FBN1: variants seen among roughly 807,000 people sequenced by gnomAD.
The protein encoded by FBN1 is fibrillin 1, also known as fibrillin-1.
In FBN1, 29 loss-of-function variants were observed where a neutral mutation model predicts 365.1. The ratio of observed to expected loss-of-function variants is 0.08; its 90% CI spans 0.06 to 0.11. The LOEUF is 0.11. Ranked by LOEUF, FBN1 falls within the 10% of genes least tolerant of loss-of-function variation. The pLI, the probability that FBN1 is intolerant of heterozygous loss-of-function variation, is 1.00. For synonymous variants in FBN1, 1,210 were observed against 1,270.5 expected (o/e 0.95, Z 1.01); for missense variants, 2,476 against 3,703.2 (o/e 0.67, Z 8.60).
At chr15:48,439,230 A>C (rs960368464) in intron 50 of FBN1, among the ~76,000 whole-genome samples, 1 of 152,236 alleles carries the variant, frequency 6.6e-6, no homozygotes, top group South Asian at 2.1e-4. Context: ...TAGCCTCCCC[A>C]GTAAACCTGC....
chr15:48,495,098 G>A (rs767211873), intron 22 of FBN1, 25 bp downstream of exon 22: 2 of 1,613,738 alleles, frequency 1.2e-6, no homozygotes, highest in Non-Finnish European at 1.7e-6. Flanking sequence ...AGTGGTATAG[G>A]AACCACAGCA....
chr15:48,553,292 T>A (rs956036796), intron 6 of FBN1, among the ~76,000 whole-genome samples: 1 of 152,134 alleles, frequency 6.6e-6, no homozygotes, highest in African/African-American at 2.4e-5. Context: ...TTGCTTACCA[T>A]AACAATCATA....
At chr15:48,487,017 AC>A in intron 29 of FBN1, 57 bp downstream of exon 29, 2 of 1,237,988 alleles carry the variant, frequency 1.6e-6, no homozygotes, top group Non-Finnish European at 2.1e-6. Context: ...ACATAACATA[AC>A]ATAACATAAA....
At chr15:48,602,598 T>C (rs1026596171) in intron 4 of FBN1, among the ~76,000 whole-genome samples, 1 of 152,204 alleles carries the variant, frequency 6.6e-6, no homozygotes, top group African/African-American at 2.4e-5. Context: ...CTATTAAAAA[T>C]ATTTTTATCT....
At chr15:48,632,397 A>G (rs1890004541) in intron 2 of FBN1, among the ~76,000 whole-genome samples, 1 of 152,174 alleles carries the variant, frequency 6.6e-6, no homozygotes, top group Non-Finnish European at 1.5e-5. Context: ...ATCATAGCTA[A>G]ACATGTCAGG....
intron 6 of FBN1, among the ~76,000 whole-genome samples, chr15:48,587,444 A>G (rs2044446341): frequency 2.0e-5 from 3 of 152,236 alleles, no homozygotes; most frequent in Admixed American, 1.3e-4. Context: ...GGCATCGTGG[A>G]GAAGCTTGCA....
At chr15:48,563,054 GTGAA>G (rs906533029) in intron 6 of FBN1, among the ~76,000 whole-genome samples, 2 of 152,176 alleles carry the variant, frequency 1.3e-5, no homozygotes, top group African/African-American at 4.8e-5. Context: ...ATGAGAGACA[GTGAA>G]TGAATGAACA....
intron 44 of FBN1, among the ~76,000 whole-genome samples, chr15:48,453,255 T>A (rs1597538365): frequency 1.2e-5 from 1 of 81,688 alleles, no homozygotes; most frequent in Non-Finnish European, 2.4e-5. Context: ...AAACTCCAAG[T>A]CCAAAACAAA....
intron 16 of FBN1, 63 bp downstream of exon 16, chr15:48,504,962 T>C: frequency 6.2e-7 from 1 of 1,608,556 alleles, no homozygotes; most frequent in Non-Finnish European, 8.5e-7. Flanking sequence ...TTGTTACCAT[T>C]GGGCTTTATT....
chr15:48,452,668 C>A lies in FBN1; in HGVS notation c.5439G>T (p.Gln1813His). Reference protein sequence around the residue: ...LLVCEDIDECQNGPVCQRNAE... With the variant: ...LLVCEDIDECHNGPVCQRNAE... ...CGTTGCGCTGGCACACTGGGCCGTT[C>A]TGACACTCGTCAATATCTACGAGCA... The change falls in exon 45 of 66, where the codon CAG becomes CAT. Residue 1813 changes from glutamine (Q) to histidine (H), a missense_variant. Coordinates refer to ENST00000316623, the MANE Select transcript of FBN1 (RefSeq NM_000138.5). 1 of 1,614,148 alleles carries A rather than the reference C, an allele frequency of 6.2e-7. No individual in the cohort carries two copies. Among genetic ancestry groups the A allele is most frequent in the African/African-American group, 1.3e-5 (1 of 75,054 alleles).
rs187673801 is a variant in FBN1 at position 48,416,437 on chromosome 15, C to T, written c.7820-670G>A. 5.3e-5 allele frequency among the ~76,000 whole-genome samples: 8 copies of T among 152,266 alleles called. No individual in the cohort carries two copies. In the East Asian group the frequency reaches 5.8e-4, roughly 11 times the overall value. ...CTTCTGGTATGTCTGCTCCCATCAC[C>T]GAATCGGCCCCCTCCTTATTCAAAC... On this transcript the variant is annotated intron_variant, in intron 63 of 65. Coordinates refer to ENST00000316623, the MANE Select transcript of FBN1 (RefSeq NM_000138.5).
At chr15:48,445,185 T>C (rs1345336188) in intron 48 of FBN1, among the ~76,000 whole-genome samples, 191 bp downstream of exon 48, 1 of 139,004 alleles carries the variant, frequency 7.2e-6, no homozygotes, top group African/African-American at 2.6e-5. Flanking sequence ...TATATATATG[T>C]ATATATATAT....
intron 5 of FBN1, among the ~76,000 whole-genome samples, chr15:48,599,550 A>C (rs1461925924): frequency 6.6e-6 from 1 of 151,994 alleles, no homozygotes; most frequent in East Asian, 1.9e-4. Context: ...AAAAAAAAAA[A>C]CAAGGTTTTT....
At chr15:48,516,882 C>T (rs941265831) in intron 10 of FBN1, among the ~76,000 whole-genome samples, 4 of 151,948 alleles carry the variant, frequency 2.6e-5, no homozygotes, top group East Asian at 1.9e-4. Flanking sequence ...TGATGATGTC[C>T]GGATGGGGGA....
At chr15:48,451,636 G>A (rs1296306013) in intron 45 of FBN1, among the ~76,000 whole-genome samples, 2 of 152,088 alleles carry the variant, frequency 1.3e-5, no homozygotes, top group East Asian at 3.9e-4. Context: ...ATTCACAAAT[G>A]CATAAAATAT....
At chr15:48,496,041 T>C (rs898217412) in intron 20 of FBN1, 59 bp downstream of exon 20, 1 of 1,604,766 alleles carries the variant, frequency 6.2e-7, no homozygotes, top group Non-Finnish European at 8.5e-7. Flanking sequence ...CTTATGGTTT[T>C]CTAATGGCAT....
At chr15:48,610,899 T>C in intron 3 of FBN1, 73 bp from the exon 4 acceptor site, 1 of 1,283,584 alleles carries the variant, frequency 7.8e-7, no homozygotes, top group East Asian at 2.4e-5. Context: ...AATCCTCAAA[T>C]GAGGAAACCT....
chr15:48,415,395 T>C (rs910310301), intron 64 of FBN1, 141 bp downstream of exon 64: 1 of 711,954 alleles, frequency 1.4e-6, no homozygotes, highest in Non-Finnish European at 2.5e-6. Context: ...CTAAAACTTT[T>C]GCCAAGCTAA....
chr15:48,515,932 C>A (rs2043796837), intron 11 of FBN1, among the ~76,000 whole-genome samples: 1 of 152,192 alleles, frequency 6.6e-6, no homozygotes, highest in South Asian at 2.1e-4. Context: ...ATAACTCTCC[C>A]ATAGTTGCCT....
Sources: gnomAD v4.1 joint callset for allele counts (sites outside exome capture counted in the v4.1 genomes callset) on GRCh38, gnomAD v4.1.1 for gene constraint, MANE v1.5 for transcripts, NCBI Gene and HGNC (gene_info 2026-07-23, HGNC 2026-07-21) for gene names.